Variants in RNF144B observed in about 807,000 individuals in gnomAD.
RNF144B encodes E3 ubiquitin-protein ligase RNF144B.
A neutral mutation model predicts 40.2 loss-of-function variants in RNF144B; 25 were observed. The ratio of observed to expected loss-of-function variants is 0.62; its 90% CI spans 0.45 to 0.87. The LOEUF (loss-of-function observed/expected upper bound fraction) is 0.87, where lower values mean the gene tolerates loss of function less well. Ranked by LOEUF, RNF144B falls within the 40% of genes least tolerant of loss-of-function variation. The probability of loss-of-function intolerance (pLI) is 0.00; values close to 1 mark genes in which losing one functional copy is unlikely to be tolerated. For missense variants in RNF144B, 365 were observed against 373.7 expected (o/e 0.98, Z 0.19); for synonymous variants, 145 against 136.3 (o/e 1.06, Z -0.44).
chr6:18,393,713 T>C (rs1184996925), intron 1 of RNF144B, among the ~76,000 whole-genome samples: 2 of 152,204 alleles, frequency 1.3e-5, no homozygotes, highest in African/African-American at 4.8e-5. Flanking sequence ...TCTTTTTTTC[T>C]GCTTTATTAG....
At position 18,457,244 on chromosome 6, in the gene RNF144B, G is replaced by T. The variant is rs763291382; in HGVS notation, c.421G>T (p.Val141Leu). The change falls in exon 5 of 8, where the codon GTG (valine) becomes TTG (leucine). Residue 141 changes from valine to leucine, a missense_variant. Val to Leu is a conservative substitution (Grantham distance 32). Transcript: ENST00000259939. The surrounding 1 kb of genome is among the most constrained non-coding windows in gnomAD (Gnocchi z 5.1). ...TGCCTCGAGTGACCCAGGACAGCCT[G>T]TGCTGGTGGAATGCCCTTCTTGCCA... ...PVASSDPGQPVLVECPSCHLK... is the reference protein window; with the variant it reads ...PVASSDPGQPLLVECPSCHLK... 14 of 1,614,162 alleles carry T rather than the reference G, an allele frequency of 8.7e-6. No homozygotes were observed. In the South Asian group the frequency reaches 1.5e-4, roughly 18 times the overall value.
At chr6:18,454,402 G>A (rs150874160) in intron 4 of RNF144B, among the ~76,000 whole-genome samples, 62 of 152,324 alleles carry the variant, frequency 4.1e-4, no homozygotes, top group African/African-American at 1.5e-3. Context: ...GTTGGCTAGA[G>A]TAGTCAATTT....
chr6:18,453,074 A>C (rs1480438457), intron 4 of RNF144B, among the ~76,000 whole-genome samples: 1 of 150,326 alleles, frequency 6.7e-6, no homozygotes, highest in East Asian at 2.0e-4. Context: ...GGAGTGAGCC[A>C]CTGTGCCTGG....
At chr6:18,461,507 G>A (rs1271531796) in intron 6 of RNF144B, among the ~76,000 whole-genome samples, 1 of 152,200 alleles carries the variant, frequency 6.6e-6, no homozygotes, top group East Asian at 1.9e-4. Context: ...CAGAGTGTAA[G>A]GGAACAAATA....
intron 3 of RNF144B, among the ~76,000 whole-genome samples, chr6:18,436,682 T>C (rs1758830556): frequency 6.6e-6 from 1 of 152,218 alleles, no homozygotes; most frequent in Admixed American, 6.5e-5. Context: ...TTCTCTAGGA[T>C]TGTCAGGTGT....
At chr6:18,440,862 A>C (rs1384897969) in intron 4 of RNF144B, among the ~76,000 whole-genome samples, 1 of 149,500 alleles carries the variant, frequency 6.7e-6, no homozygotes, top group Non-Finnish European at 1.5e-5. Flanking sequence ...TACTTAACTC[A>C]TAAGGCTGAT....
chr6:18,394,176 G>A (rs1794643757), intron 1 of RNF144B, among the ~76,000 whole-genome samples: 1 of 152,138 alleles, frequency 6.6e-6, no homozygotes, highest in Non-Finnish European at 1.5e-5. Flanking sequence ...TTAGGGATAA[G>A]TGTCCTAATA....
intron 4 of RNF144B, among the ~76,000 whole-genome samples, chr6:18,440,902 AT>A (rs1758949484): frequency 6.6e-6 from 1 of 151,660 alleles, no homozygotes; most frequent in South Asian, 2.1e-4. Context: ...AAAAAAAAAA[AT>A]CTTGGATTAG....
chr6:18,459,551 G>A lies in RNF144B; in HGVS notation c.537-56G>A. On this transcript the variant is annotated intron_variant, in intron 5 of 7. Coordinates refer to ENST00000259939, the MANE Select transcript of RNF144B (RefSeq NM_182757.4). This position sits in a 1 kb window ranked among gnomAD's most constrained non-coding sequence, Gnocchi z 4.2. ...CATTATCTAACCATCAGGAGCCCTG[G>A]GAATTCAACTGATGACCATCAGCTG... 2 of 1,571,918 alleles carry A rather than the reference G, an allele frequency of 1.3e-6. No individual in the cohort carries two copies. The highest frequency in any genetic ancestry group is 1.7e-6 in the Non-Finnish European group (2 of 1,148,416).
chr6:18,426,181 T>C (rs9396864), intron 2 of RNF144B, among the ~76,000 whole-genome samples: 4,653 of 152,274 alleles, frequency 0.031, 154 homozygotes, highest in South Asian at 0.16. Flanking sequence ...GCAACAGCAA[T>C]ATTTTTAATG....
chr6:18,390,950 A>G (rs1794566972), intron 1 of RNF144B, among the ~76,000 whole-genome samples: 1 of 152,234 alleles, frequency 6.6e-6, no homozygotes, highest in Non-Finnish European at 1.5e-5. Flanking sequence ...ACAAAAATCT[A>G]CACCTGCACT....
At position 18,441,653 on chromosome 6, in the gene RNF144B, G is replaced by A. The variant is rs1297834076; in HGVS notation, c.331+1909G>A. Among the ~76,000 whole-genome samples, 1 of 152,146 alleles carries A rather than the reference G, an allele frequency of 6.6e-6. No individual in the cohort carries two copies. The highest frequency in any genetic ancestry group is 1.9e-4 in the East Asian group (1 of 5,196). On this transcript the variant is annotated intron_variant, in intron 4 of 7. Transcript: ENST00000259939. This position sits in a 1 kb window ranked among gnomAD's most constrained non-coding sequence, Gnocchi z 4.9. ...GTTGTTTCTCACTGATGAATATAAA[G>A]TTTTGGTTTATTTTAAAATCGTAGC...
chr6:18,392,067 G>T (rs896574388), intron 1 of RNF144B, among the ~76,000 whole-genome samples: 51 of 134,656 alleles, frequency 3.8e-4, no homozygotes, highest in Middle Eastern at 3.9e-3. Flanking sequence ...AAAAAATTAG[G>T]TGTGGTGGCA....
rs969953559 is a variant in RNF144B at position 18,450,725 on chromosome 6, G to A, written c.332-6430G>A. Among the ~76,000 whole-genome samples the A allele has an allele frequency of 2.6e-5, 4 of 152,190 alleles. No individual in the cohort carries two copies. Among genetic ancestry groups the A allele is most frequent in the African/African-American group, 7.2e-5 (3 of 41,442 alleles). On this transcript the variant is annotated intron_variant, in intron 4 of 7. Transcript: ENST00000259939. This position sits in a 1 kb window ranked among gnomAD's most constrained non-coding sequence, Gnocchi z 4.7. ...TCATGAGCTGGCAAGATCCCACTTC[G>A]GGATGTGAATGCCCTTGTTCAGTGT...
Position 18,400,398 on chromosome 6 carries a change from C to T in RNF144B, c.165+699C>T, listed in dbSNP as rs565657031. On this transcript the variant is annotated intron_variant, in intron 2 of 7. Transcript: ENST00000259939. The surrounding 1 kb of genome is among the most constrained non-coding windows in gnomAD (Gnocchi z 5.6). ...TATGTACTGAATTTTCATTCATATA[C>T]TTGTTCATCTTCTACAATGTACATG... Among the ~76,000 whole-genome samples the T allele has an allele frequency of 1.3e-5, 2 of 152,230 alleles. No homozygotes were observed. Among genetic ancestry groups the T allele is most frequent in the South Asian group, 2.1e-4 (1 of 4,824 alleles).
chr6:18,393,581 C>G (rs1221826901), intron 1 of RNF144B, among the ~76,000 whole-genome samples: 2 of 152,154 alleles, frequency 1.3e-5, no homozygotes, highest in Non-Finnish European at 2.9e-5. Flanking sequence ...GCAGAAGTAC[C>G]AAGATCAACA....
rs1478845632 is a variant in RNF144B, at chr6:18,465,039, A to G, written c.884A>G (p.Lys295Arg). The change falls in exon 8 of 8, where the codon AAG becomes AGG. Residue 295 changes from lysine to arginine, a missense_variant. Physicochemically the swap from Lys to Arg is conservative, Grantham distance 26. Coordinates refer to ENST00000259939, the MANE Select transcript of RNF144B (RefSeq NM_182757.4). Reference protein sequence around the residue: ...CCVCKSCRGKKKKHDPSTT With the variant: ...CCVCKSCRGKRKKHDPSTT ...GTCTGCAAGTCCTGTCGGGGCAAGA[A>G]GAAAAAGCACGACCCATCCACAACC... 6.2e-7 allele frequency: 1 copy of G among 1,613,840 alleles called. No homozygotes were observed. Among genetic ancestry groups the G allele is most frequent in the East Asian group, 2.2e-5 (1 of 44,830 alleles).
Position 18,418,452 on chromosome 6 carries a change from G to A in RNF144B, c.166-9129G>A, listed in dbSNP as rs1452415376. ...ATGAATCTTGAAAACATTATGCTAA[G>A]TGAAGCCATTGACAAAGGACCATAT... On this transcript the variant is annotated intron_variant, in intron 2 of 7. Transcript: ENST00000259939. The surrounding 1 kb of genome is among the most constrained non-coding windows in gnomAD (Gnocchi z 5.2). Among the ~76,000 whole-genome samples, 1 of 152,168 alleles carries A rather than the reference G, an allele frequency of 6.6e-6. No individual in the cohort carries two copies. The highest frequency in any genetic ancestry group is 1.5e-5 in the Non-Finnish European group (1 of 68,040).
intron 1 of RNF144B, among the ~76,000 whole-genome samples, chr6:18,388,137 C>T (rs1794503882): frequency 2.0e-5 from 3 of 152,278 alleles, no homozygotes; most frequent in Non-Finnish European, 2.9e-5. Flanking sequence ...TTTCAAGGAT[C>T]CTGCTGTAAG....
Sources: gnomAD v4.1 joint callset for allele counts (sites outside exome capture counted in the v4.1 genomes callset) on GRCh38, gnomAD v4.1.1 for gene constraint, Gnocchi (gnomAD v3.1) non-coding constraint, MANE v1.5 for transcripts, NCBI Gene and HGNC (gene_info 2026-07-23, HGNC 2026-07-21) for gene names.